The following PLEKHG2 variants were observed in gnomAD, a reference collection of about 807,000 sequenced individuals.
PLEKHG2 encodes pleckstrin homology domain-containing family G member 2.
In PLEKHG2, 71 loss-of-function variants were observed where a neutral mutation model predicts 104.4. The observed-to-expected ratio is 0.68, with a 90% confidence interval of 0.56 to 0.83. PLEKHG2 has a LOEUF of 0.83. Among genes scored for constraint, PLEKHG2 ranks in the 40% least tolerant of loss-of-function variants. PLEKHG2 has a pLI of 0.00. For missense variants in PLEKHG2, 1,730 were observed against 1,809.4 expected (o/e 0.96, Z 0.80); for synonymous variants, 728 against 737.0 (o/e 0.99, Z 0.20).
At chr19:39,422,090 C>T (rs1223462820) in intron 16 of PLEKHG2, 25 bp from the exon 17 acceptor site, 1 of 1,590,934 alleles carries the variant, frequency 6.3e-7, no homozygotes, top group South Asian at 1.1e-5. Flanking sequence ...TGGCTCTTGC[C>T]TTCCATTGCT....
At chr19:39,422,368 T>C (rs1319589454) in intron 17 of PLEKHG2, 80 bp downstream of exon 17, 4 of 1,411,284 alleles carry the variant, frequency 2.8e-6, no homozygotes, top group Non-Finnish European at 3.8e-6. Flanking sequence ...GGCCAGCCCA[T>C]GCTGATACCT....
In PLEKHG2 at chr19:39,425,263, AG is replaced by A. The variant is rs1468091004; in HGVS notation, c.4135del (p.Ala1379LeufsTer37). ...TQESMGLHRAQGAPDAPFHM is the reference protein window; with the variant it reads ...TQESMGLHRAXGAPDAPFHM ...GAATCTATGGGCCTTCACAGGGCCC[AG>A]GGGGCTCCTGATGCCCCCTTCCACA... is the stretch of plus-strand genomic sequence containing the variant. On this transcript the variant is annotated frameshift_variant, in exon 19 of 19. Transcript: ENST00000425673. LOFTEE classifies it high-confidence loss of function. 6.2e-7 allele frequency: 1 copy of A among 1,613,046 alleles called. No homozygotes were observed. Among genetic ancestry groups the A allele is most frequent in the Non-Finnish European group, 8.5e-7 (1 of 1,179,830 alleles).
rs757064267 is a variant in PLEKHG2 at position 39,418,003 on chromosome 19, C to G, written c.981C>G (p.Gly327=). 5 of 1,553,030 alleles carry G rather than the reference C, an allele frequency of 3.2e-6. No individual in the cohort carries two copies. The highest frequency in any genetic ancestry group is 1.7e-4 in the Middle Eastern group (1 of 5,788). The change falls in exon 9 of 19, where the codon GGC becomes GGG. Residue 327 remains glycine (G), a synonymous_variant. Coordinates refer to ENST00000425673, the MANE Select transcript of PLEKHG2 (RefSeq NM_022835.3). ...EGAFRGGGGG[G]PRLRGGERLL... ...CGTTCCGAGGAGGCGGAGGGGGTGG[C>G]CCCCGGCTACGAGGGGGTGAGCGGC...
chr19:39,417,241 C>T (rs1183916685), intron 7 of PLEKHG2, among the ~76,000 whole-genome samples: 1 of 152,014 alleles, frequency 6.6e-6, no homozygotes, highest in Non-Finnish European at 1.5e-5. Context: ...CAACCTCCAC[C>T]TCCTGGGTTC....
At chr19:39,420,925 G>A (rs756939813) in intron 13 of PLEKHG2, 24 bp from the exon 14 acceptor site, 3 of 1,613,986 alleles carry the variant, frequency 1.9e-6, no homozygotes, top group African/African-American at 1.3e-5. Flanking sequence ...GGCTCACACA[G>A]GGCTCTGGCC....
In PLEKHG2 at chr19:39,423,659, G is replaced by T. The variant is rs751687403; in HGVS notation, c.2599+6G>T. On this transcript the variant is annotated splice_donor_region_variant and intron_variant, in intron 18 of 18. Coordinates refer to ENST00000425673, the MANE Select transcript of PLEKHG2 (RefSeq NM_022835.3). ...CCAGGAGCAGGCAGAGCCAGGTGAG[G>T]TCCGGGTACGTGGTTGGCAGAGGTG... The T allele has an allele frequency of 6.5e-7, 1 of 1,550,114 alleles. No individual in the cohort carries two copies. Among genetic ancestry groups the T allele is most frequent in the African/African-American group, 1.4e-5 (1 of 73,334 alleles).
Position 39,424,320 on chromosome 19 carries a change from G to T in PLEKHG2, c.3187G>T (p.Asp1063Tyr). The change falls in exon 19 of 19, where the codon GAT becomes TAT. Residue 1063 changes from aspartate (D) to tyrosine (Y), a missense_variant. Coordinates refer to ENST00000425673, the MANE Select transcript of PLEKHG2 (RefSeq NM_022835.3). ...ACTGACAAAGCAAGGAGGTTCCAGG[G>T]ATGTTCAGGGCCCAGACCCTGTCTG... is the stretch of plus-strand genomic sequence containing the variant. ...IPLTKQGGSR[D>Y]VQGPDPVCSQ... The T allele has an allele frequency of 6.2e-7, 1 of 1,614,186 alleles. No homozygotes were observed. The highest frequency in any genetic ancestry group is 8.5e-7 in the Non-Finnish European group (1 of 1,180,034).
At position 39,427,470 on chromosome 19, in the gene PLEKHG2, C is replaced by T. The variant is rs2078795304; in HGVS notation, c.*2176C>T. 6.6e-6 allele frequency: 1 copy of T among 151,916 alleles called. No individual in the cohort carries two copies. Among genetic ancestry groups the T allele is most frequent in the Admixed American group, 6.6e-5 (1 of 15,232 alleles). 9.4% of individuals were successfully genotyped at this position (151,916 alleles called of 1,614,324 possible). A position where few individuals can be genotyped will look rare whatever the true frequency, so the allele number is the denominator to read the frequency against. ...CTGCCTCTAGCTGGGATTGCAGGCG[C>T]CCACGACCACGCCCAGCTAATTTTT... On this transcript the variant is annotated 3_prime_UTR_variant, in exon 19 of 19. Coordinates refer to ENST00000425673, the MANE Select transcript of PLEKHG2 (RefSeq NM_022835.3).
Position 39,416,005 on chromosome 19 carries a change from CA to C in PLEKHG2, c.480-342del, listed in dbSNP as rs2078597364. Among the ~76,000 whole-genome samples the C allele has an allele frequency of 6.6e-6, 1 of 152,104 alleles. No homozygotes were observed. The highest frequency in any genetic ancestry group is 1.5e-5 in the Non-Finnish European group (1 of 68,008). ...AAGGAGGACTCTGGGGTCCAAGGATCATGACATTTCCAAGTACCTTGACGAG... is the reference window on the plus strand; with the variant it reads ...AAGGAGGACTCTGGGGTCCAAGGATCTGACATTTCCAAGTACCTTGACGAG... On this transcript the variant is annotated intron_variant, in intron 4 of 18. Transcript: ENST00000425673. This position sits in a 1 kb window ranked among gnomAD's most constrained non-coding sequence, Gnocchi z 4.5.
intron 12 of PLEKHG2, 43 bp downstream of exon 12, chr19:39,420,702 A>G (rs1414648473): frequency 1.2e-6 from 2 of 1,614,100 alleles, no homozygotes; most frequent in Admixed American, 3.3e-5. Context: ...AAGTAGACGA[A>G]TTACTTCCAA....
rs199949700 is a variant in PLEKHG2, at chr19:39,420,610, T to C, written c.1264-16T>C. 1.1e-5 allele frequency: 17 copies of C among 1,614,068 alleles called. No homozygotes were observed. Among genetic ancestry groups the C allele is most frequent in the Non-Finnish European group, 1.4e-5 (17 of 1,179,990 alleles). ...CAAGATCGACCCACCTCAGCCCTCA[T>C]CCTCCTGTCTTTCAGGCAAAGCAAG... On this transcript the variant is annotated splice_polypyrimidine_tract_variant and intron_variant, in intron 11 of 18. Coordinates refer to ENST00000425673, the MANE Select transcript of PLEKHG2 (RefSeq NM_022835.3).
intron 15 of PLEKHG2, 33 bp downstream of exon 15, chr19:39,421,146 C>A: frequency 6.2e-7 from 1 of 1,614,134 alleles, no homozygotes; most frequent in Non-Finnish European, 8.5e-7. Context: ...CCTGGTCCAT[C>A]CCTGTCTGTC....
intron 17 of PLEKHG2, 33 bp from the exon 18 acceptor site, chr19:39,422,699 T>C: frequency 6.6e-7 from 1 of 1,507,910 alleles, no homozygotes; most frequent in Non-Finnish European, 8.8e-7. Flanking sequence ...ACCATGCTGA[T>C]ATGTTTGGCT....
At position 39,425,138 on chromosome 19, in the gene PLEKHG2, T is replaced by C; in HGVS notation, c.4005T>C (p.Tyr1335=). 2 of 1,590,208 alleles carry C rather than the reference T, an allele frequency of 1.3e-6. No homozygotes were observed. The highest frequency in any genetic ancestry group is 8.5e-7 in the Non-Finnish European group (1 of 1,169,968). The change falls in exon 19 of 19, where the codon TAT becomes TAC. Residue 1335 remains tyrosine (Y), a synonymous_variant. Transcript: ENST00000425673. ...CTCCCCCAGCCAGGCGGCTCAGCTATGCCACGACGGTTAACATCCACGTGG... is the reference window on the plus strand; with the variant it reads ...CTCCCCCAGCCAGGCGGCTCAGCTACGCCACGACGGTTAACATCCACGTGG... ...PPPPPARRLS[Y]ATTVNIHVGG... is the part of the protein sequence containing the mutation.
chr19:39,416,969 A>T lies in PLEKHG2; in HGVS notation c.713A>T (p.Gln238Leu). Residue 238 changes from glutamine to leucine, a missense_variant, in exon 7 of 19, where the codon CAG (glutamine) becomes CTG (leucine). Coordinates refer to ENST00000425673, the MANE Select transcript of PLEKHG2 (RefSeq NM_022835.3). This position sits in a 1 kb window ranked among gnomAD's most constrained non-coding sequence, Gnocchi z 4.5. ...PLQSFLLKPV[Q>L]RILKYHLLLQ... ...CAGAGCTTCCTGCTGAAACCTGTCC[A>T]GCGCATTCTCAAGTACCATCTGCTG... The T allele has an allele frequency of 4.3e-6, 7 of 1,613,090 alleles. No individual in the cohort carries two copies. Among genetic ancestry groups the T allele is most frequent in the Non-Finnish European group, 5.9e-6 (7 of 1,179,748 alleles).
At chr19:39,421,943 G>A (rs2078704589) in intron 16 of PLEKHG2, 172 bp from the exon 17 acceptor site, 3 of 549,558 alleles carry the variant, frequency 5.5e-6, no homozygotes, top group Non-Finnish European at 8.7e-6. Context: ...CTTGAACCCG[G>A]GAGGCGGAGA....
intron 11 of PLEKHG2, 54 bp downstream of exon 11, chr19:39,419,057 C>A (rs909327806): frequency 2.0e-6 from 3 of 1,494,590 alleles, no homozygotes; most frequent in Admixed American, 2.0e-5. Context: ...CACCCTCCCC[C>A]AATAGTACTA....
In PLEKHG2 at chr19:39,424,375, A is replaced by G. The variant is rs2078750467; in HGVS notation, c.3242A>G (p.His1081Arg). 3.7e-6 allele frequency: 6 copies of G among 1,614,060 alleles called. No homozygotes were observed. The highest frequency in any genetic ancestry group is 5.1e-6 in the Non-Finnish European group (6 of 1,179,992). ...CSQPIQPLSW[H>R]GSSLDPQGPG... ...CAACCCATCCAGCCTTTGTCTTGGC[A>G]TGGAAGCAGCCTGGATCCCCAGGGC... The change falls in exon 19 of 19, where the codon CAT (histidine) becomes CGT (arginine). Residue 1081 changes from histidine to arginine, a missense_variant. Coordinates refer to ENST00000425673, the MANE Select transcript of PLEKHG2 (RefSeq NM_022835.3).
In PLEKHG2 at chr19:39,424,097, G is replaced by A. The variant is rs1388455455; in HGVS notation, c.2964G>A (p.Leu988=). The A allele has an allele frequency of 1.1e-5, 18 of 1,613,932 alleles. No individual in the cohort carries two copies. Among genetic ancestry groups the A allele is most frequent in the Non-Finnish European group, 1.4e-5 (17 of 1,179,948 alleles). The change falls in exon 19 of 19, where the codon TTG becomes TTA. Residue 988 remains leucine (L), a synonymous_variant. Coordinates refer to ENST00000425673, the MANE Select transcript of PLEKHG2 (RefSeq NM_022835.3). ...PEIQVPATTP[L]PEHRSHMVIP... is the part of the protein sequence containing the mutation. ...TCCAAGTTCCAGCCACCACTCCTTT[G>A]CCTGAGCATAGAAGTCACATGGTTA...
Sources: allele counts gnomAD v4.1 joint callset (sites outside exome capture counted in the v4.1 genomes callset), GRCh38; gene constraint gnomAD v4.1.1; non-coding constraint Gnocchi (gnomAD v3.1); transcripts MANE v1.5; gene names NCBI Gene and HGNC (gene_info 2026-07-23, HGNC 2026-07-21).